Variants in FBLN1 observed in about 807,000 individuals in gnomAD.
FBLN1 encodes fibulin 1.
A neutral mutation model predicts 89.7 loss-of-function variants in FBLN1; 34 were observed. The ratio of observed to expected loss-of-function variants is 0.38; its 90% confidence interval spans 0.29 to 0.50. The LOEUF (loss-of-function observed/expected upper bound fraction) is 0.50, where lower values mean the gene tolerates loss of function less well. Ranked by LOEUF, FBLN1 falls within the 20% of genes least tolerant of loss-of-function variation. The pLI is 0.92. For missense variants in FBLN1, 777 were observed against 988.1 expected, an observed-to-expected ratio of 0.79 and a Z score of 2.86; for synonymous variants, 393 against 391.3, an observed-to-expected ratio of 1.00 and a Z score of -0.05.
At chr22:45,548,557 A>G (rs2088660706) in intron 12 of FBLN1, 56 bp from the exon 13 acceptor site, 2 of 1,607,912 alleles carry the variant, frequency 1.2e-6, no homozygotes, top group Non-Finnish European at 1.7e-6. Flanking sequence ...TAGCATGGCC[A>G]GCAGCCATGG....
Position 45,562,953 on chromosome 22 carries a change from C to T in FBLN1, c.1698-11558C>T, listed in dbSNP as rs1284158393. The T allele has an allele frequency of 3.1e-6, 5 of 1,613,946 alleles. No individual in the cohort carries two copies. The highest frequency in any genetic ancestry group is 1.7e-5 in the Admixed American group (1 of 59,998). On this transcript the variant is annotated intron_variant, in intron 14 of 16. Transcript: ENST00000327858. The surrounding 1 kb of genome is among the most constrained non-coding windows in gnomAD (Gnocchi z 7.8). ...CCTTGCCATGAGAATCGGGAGTGCT[C>T]CAAGCTGCCTCTGAGAATAACCTAC...
chr22:45,592,587 C>T (rs942304270), intron 16 of FBLN1, among the ~76,000 whole-genome samples: 1 of 152,204 alleles, frequency 6.6e-6, no homozygotes, highest in African/African-American at 2.4e-5. Context: ...CTTGGCCTCC[C>T]AAAGTGCTGG....
At chr22:45,558,334 C>T (rs761435454) in intron 14 of FBLN1, 4 of 320,704 alleles carry the variant, frequency 1.2e-5, no homozygotes, top group East Asian at 6.0e-5. Context: ...GACTTGATGA[C>T]CCAGAGTCAA....
In FBLN1 at chr22:45,533,581, G is replaced by T. The variant is rs184096924; in HGVS notation, c.647-180G>T. On this transcript the variant is annotated intron_variant, in intron 6 of 16. Transcript: ENST00000327858. ...TAGATATGAACGTTAGCAGGGGAGA[G>T]AAATCACTGCTTTCGACTCCGTGCA... Among the ~76,000 whole-genome samples the T allele has an allele frequency of 1.8e-3, 274 of 152,330 alleles. 2 individuals are homozygous for T. The highest frequency in any genetic ancestry group is 6.3e-3 in the African/African-American group (263 of 41,580).
chr22:45,575,635 G>A lies in FBLN1; in HGVS notation c.1840+982G>A, dbSNP rs2088990716. On this transcript the variant is annotated intron_variant, in intron 15 of 16. Transcript: ENST00000327858. The surrounding 1 kb of genome is among the most constrained non-coding windows in gnomAD (Gnocchi z 6.3). ...GAAGCTCAGGTGTAACCCAGTCAGT[G>A]CTCCCACACCCCAGCCTGGCTCTCT... Among the ~76,000 whole-genome samples the A allele has an allele frequency of 6.6e-6, 1 of 152,144 alleles. No individual in the cohort carries two copies. The highest frequency in any genetic ancestry group is 2.4e-5 in the African/African-American group (1 of 41,412).
chr22:45,554,017 A>G (rs1233257507), intron 14 of FBLN1, among the ~76,000 whole-genome samples: 1 of 152,230 alleles, frequency 6.6e-6, no homozygotes, highest in Admixed American at 6.5e-5. Context: ...GTGTGCATAC[A>G]TTGTGTGTGT....
Position 45,588,871 on chromosome 22 carries a change from G to T in FBLN1, c.1973-11436G>T, listed in dbSNP as rs932994140. On this transcript the variant is annotated intron_variant, in intron 16 of 16. Coordinates refer to ENST00000327858, the MANE Select transcript of FBLN1 (RefSeq NM_006486.3). The surrounding 1 kb of genome is among the most constrained non-coding windows in gnomAD (Gnocchi z 5.1). ...AATCTTTTGGCGGCCTCTCCTAACC[G>T]TCTTTAAATCTGCGAAAGGATCTCA... Among the ~76,000 whole-genome samples, 9 of 149,870 alleles carry T rather than the reference G, an allele frequency of 6.0e-5. No individual in the cohort carries two copies. Among genetic ancestry groups the T allele is most frequent in the Admixed American group, 6.0e-4 (9 of 15,034 alleles).
At chr22:45,535,113 A>C (rs2088466608) in intron 7 of FBLN1, 87 bp from the exon 8 acceptor site, 1 of 1,519,428 alleles carries the variant, frequency 6.6e-7, no homozygotes, top group Non-Finnish European at 9.1e-7. Context: ...TGCGCATTAG[A>C]AAAAAGCTTT....
At chr22:45,582,859 T>C (rs1458031002) in intron 16 of FBLN1, among the ~76,000 whole-genome samples, 1 of 152,192 alleles carries the variant, frequency 6.6e-6, no homozygotes, top group Non-Finnish European at 1.5e-5. Context: ...GTTTGATCTC[T>C]GAGATGTTTT....
At position 45,563,790 on chromosome 22, in the gene FBLN1, C is replaced by T. The variant is rs147079330; in HGVS notation, c.1698-10721C>T. 3.9e-3 allele frequency among the ~76,000 whole-genome samples: 598 copies of T among 152,288 alleles called. 4 individuals are homozygous for T. Among genetic ancestry groups the T allele is most frequent in the African/African-American group, 0.013 (551 of 41,560 alleles). ...CCTGCCTGGTTCTTTGCTGTATCCC[C>T]GGAGGTGAGCATTTCACTGAGACAA... On this transcript the variant is annotated intron_variant, in intron 14 of 16. Transcript: ENST00000327858. This position sits in a 1 kb window ranked among gnomAD's most constrained non-coding sequence, Gnocchi z 5.7.
At chr22:45,558,492 G>C (rs1419646959) in intron 14 of FBLN1, 1 of 161,788 alleles carries the variant, frequency 6.2e-6, no homozygotes, top group Non-Finnish European at 1.3e-5. Context: ...AAAGGCTGCA[G>C]CCAGCATCCT....
At chr22:45,540,764 G>A (rs1300644928) in intron 8 of FBLN1, among the ~76,000 whole-genome samples, 5 of 152,194 alleles carry the variant, frequency 3.3e-5, no homozygotes, top group Admixed American at 6.5e-5. Context: ...GGAGACTGCC[G>A]TGCAGTGAGC....
intron 3 of FBLN1, among the ~76,000 whole-genome samples, chr22:45,526,124 T>A (rs2088324765): frequency 6.6e-6 from 1 of 152,150 alleles, no homozygotes. Flanking sequence ...AGACCTCTGA[T>A]AAGATCTGAC....
chr22:45,512,484 T>C (rs1426830160), intron 1 of FBLN1, among the ~76,000 whole-genome samples: 3 of 152,052 alleles, frequency 2.0e-5, no homozygotes, highest in Non-Finnish European at 2.9e-5. Context: ...GGGTAGGACT[T>C]GATGAGCAGG....
chr22:45,593,752 G>A (rs2089159325), intron 16 of FBLN1, among the ~76,000 whole-genome samples: 1 of 152,140 alleles, frequency 6.6e-6, no homozygotes, highest in South Asian at 2.1e-4. Flanking sequence ...TGTTGTCTTC[G>A]TTCCTAGATT....
intron 1 of FBLN1, among the ~76,000 whole-genome samples, chr22:45,507,851 T>C (rs919207091): frequency 6.6e-6 from 1 of 152,148 alleles, no homozygotes; most frequent in Non-Finnish European, 1.5e-5. Context: ...TGGATCCTGT[T>C]ACCCACTGGA....
At chr22:45,514,111 A>G (rs1039299096) in intron 1 of FBLN1, among the ~76,000 whole-genome samples, 3 of 152,060 alleles carry the variant, frequency 2.0e-5, no homozygotes, top group African/African-American at 7.2e-5. Context: ...GGGGACAGAG[A>G]CAACTTTTTT....
Position 45,517,569 on chromosome 22 carries a change from C to T in FBLN1, c.80-1113C>T, listed in dbSNP as rs77190386. 8.8e-3 allele frequency: 4,142 copies of T among 471,184 alleles called. 24 individuals are homozygous for T. The highest frequency in any genetic ancestry group is 0.011 in the Non-Finnish European group (2,593 of 227,054). The allele number at this position is 471,184 out of a possible 1,614,324, so 29.2% of individuals were successfully genotyped here. On this transcript the variant is annotated intron_variant, in intron 1 of 16. Transcript: ENST00000327858. ...GCTTGGAGCGTGATCCTTTCATCTGCCCTTTTTGCGAGTGGGAGATAAGAT... is the reference window on the plus strand; with the variant it reads ...GCTTGGAGCGTGATCCTTTCATCTGTCCTTTTTGCGAGTGGGAGATAAGAT...
rs759240273 is a variant in FBLN1, at chr22:45,574,539, C to A, written c.1726C>A (p.Arg576Ser). 1 of 1,614,160 alleles carries A rather than the reference C, an allele frequency of 6.2e-7. No homozygotes were observed. The highest frequency in any genetic ancestry group is 1.1e-5 in the South Asian group (1 of 91,084). The change falls in exon 15 of 17, where the codon CGC becomes AGC. Residue 576 changes from arginine (R) to serine (S), a missense_variant. By Grantham distance (110) the Arg-to-Ser change is moderately radical (BLOSUM62 -1). Transcript: ENST00000327858. The surrounding 1 kb of genome is among the most constrained non-coding windows in gnomAD (Gnocchi z 4.1). Reference protein sequence around the residue: ...TLQQEKTDTVRCIKSCRPNDV... With the variant: ...TLQQEKTDTVSCIKSCRPNDV... ...CCAGCAGGAGAAGACAGACACGGTC[C>A]GCTGCATCAAGTCCTGCCGCCCCAA...
Sources: allele counts gnomAD v4.1 joint callset (sites outside exome capture counted in the v4.1 genomes callset), GRCh38; gene constraint gnomAD v4.1.1; non-coding constraint Gnocchi (gnomAD v3.1); transcripts MANE v1.5; gene names NCBI Gene and HGNC (gene_info 2026-07-23, HGNC 2026-07-21).